NARS2: variants seen among roughly 807,000 people sequenced by gnomAD.
The protein encoded by NARS2 is asparaginyl-tRNA synthetase 2, mitochondrial, also known as asparaginyl-tRNA synthetase.
In NARS2, 60 loss-of-function variants were observed where a neutral mutation model predicts 62.9. That is an observed-to-expected ratio of 0.95 (90% CI 0.77 to 1.18). The LOEUF is 1.18. NARS2 is among the 50% of genes most tolerant of loss of function. The probability of loss-of-function intolerance (pLI) is 0.00; values close to 1 mark genes in which losing one functional copy is unlikely to be tolerated. For missense variants in NARS2, 619 were observed against 576.4 expected, an observed-to-expected ratio of 1.07 and a Z score of -0.76; for synonymous variants, 196 against 200.0, an observed-to-expected ratio of 0.98 and a Z score of 0.17.
At chr11:78,447,006 G>T (rs760683925) in intron 11 of NARS2, among the ~76,000 whole-genome samples, 1 of 149,536 alleles carries the variant, frequency 6.7e-6, no homozygotes, top group Non-Finnish European at 1.5e-5. Context: ...AGAAAATAAC[G>T]TGATTAAAAA....
At chr11:78,530,489 T>G (rs13377204) in intron 5 of NARS2, among the ~76,000 whole-genome samples, 2,922 of 152,280 alleles carry the variant, frequency 0.019, 83 homozygotes, top group African/African-American at 0.059. Context: ...TTTATTTATT[T>G]TTGAGACAGA....
At chr11:78,502,317 G>T (rs1430341690) in intron 6 of NARS2, among the ~76,000 whole-genome samples, 2 of 152,218 alleles carry the variant, frequency 1.3e-5, no homozygotes, top group East Asian at 3.9e-4. Context: ...TTCTGGTGAA[G>T]CCTCTCTTTC....
At chr11:78,570,387 G>A (rs985754884) in intron 2 of NARS2, among the ~76,000 whole-genome samples, 1 of 152,104 alleles carries the variant, frequency 6.6e-6, no homozygotes, top group Non-Finnish European at 1.5e-5. Context: ...AATGGTGTTA[G>A]TTTTTGGTTT....
chr11:78,563,882 A>AATTATTAT (rs1856649065), intron 4 of NARS2, among the ~76,000 whole-genome samples: 3 of 104,888 alleles, frequency 2.9e-5, no homozygotes, highest in African/African-American at 1.5e-4. Context: ...ATACACACAC[A>AATTATTAT]CAGTATTATT....
chr11:78,445,349 G>T (rs1032101220), intron 11 of NARS2, among the ~76,000 whole-genome samples: 1 of 152,060 alleles, frequency 6.6e-6, no homozygotes, highest in Non-Finnish European at 1.5e-5. Flanking sequence ...GGCCGGGTGC[G>T]GTGGCTTACG....
intron 4 of NARS2, 124 bp downstream of exon 4, chr11:78,566,008 A>C (rs1856729903): frequency 1.4e-6 from 1 of 740,052 alleles, no homozygotes; most frequent in African/African-American, 1.8e-5. Flanking sequence ...CCCATAATGA[A>C]GAGACCAATC....
chr11:78,464,935 G>C (rs891807081), intron 11 of NARS2, among the ~76,000 whole-genome samples: 1 of 152,278 alleles, frequency 6.6e-6, no homozygotes, highest in African/African-American at 2.4e-5. Context: ...TGGGGCTGCA[G>C]GTGGACCTGC....
At chr11:78,462,980 C>T (rs931799361) in intron 11 of NARS2, among the ~76,000 whole-genome samples, 2 of 152,068 alleles carry the variant, frequency 1.3e-5, no homozygotes, top group African/African-American at 4.8e-5. Context: ...ACTTTTACAA[C>T]TAATAATATT....
intron 7 of NARS2, among the ~76,000 whole-genome samples, chr11:78,486,033 C>T (rs1859559627): frequency 6.6e-6 from 1 of 152,072 alleles, no homozygotes; most frequent in Admixed American, 6.6e-5. Flanking sequence ...TGTCACCATG[C>T]CCAGCTAATT....
chr11:78,438,872 A>G (rs1857491716), intron 13 of NARS2, among the ~76,000 whole-genome samples: 1 of 152,210 alleles, frequency 6.6e-6, no homozygotes, highest in Non-Finnish European at 1.5e-5. Context: ...TACCTTTAAT[A>G]TACTAATATA....
Position 78,436,474 on chromosome 11 carries a change from A to AG in NARS2, c.*195dup. 1 of 614,284 alleles carries AG rather than the reference A, an allele frequency of 1.6e-6. No individual in the cohort carries two copies. The highest frequency in any genetic ancestry group is 2.8e-6 in the Non-Finnish European group (1 of 354,248). The allele number at this position is 614,284 out of a possible 1,614,324, so 38.1% of individuals were successfully genotyped here. A position where few individuals can be genotyped will look rare whatever the true frequency, so the allele number is the denominator to read the frequency against. On this transcript the variant is annotated 3_prime_UTR_variant, in exon 14 of 14. Transcript: ENST00000281038. ...TGCTATAAGTACCTCTTCTTGCGGG[A>AG]GCTCATCCTTACGTGAAATACCCTC...
chr11:78,489,898 T>A (rs922546313), intron 7 of NARS2, among the ~76,000 whole-genome samples: 1 of 151,782 alleles, frequency 6.6e-6, no homozygotes, highest in Non-Finnish European at 1.5e-5. Context: ...CTATAAAAAA[T>A]TTAAAAAATA....
chr11:78,531,823 G>A lies in NARS2; in HGVS notation c.595-2887C>T, dbSNP rs546560938. Among the ~76,000 whole-genome samples the A allele has an allele frequency of 6.2e-4, 95 of 152,248 alleles. 1 individual carries two copies. The South Asian group carries it at 0.018, about 29-fold the overall frequency. ...TGATTACATTTATATGAAACATACAGAATAGGTAAATCCATAGAGACAGAT... is the reference window on the plus strand; with the variant it reads ...TGATTACATTTATATGAAACATACAAAATAGGTAAATCCATAGAGACAGAT... On this transcript the variant is annotated intron_variant, in intron 5 of 13. Coordinates refer to ENST00000281038, the MANE Select transcript of NARS2 (RefSeq NM_024678.6).
At chr11:78,539,776 T>A (rs902076856) in intron 5 of NARS2, among the ~76,000 whole-genome samples, 7 of 152,192 alleles carry the variant, frequency 4.6e-5, no homozygotes, top group African/African-American at 1.7e-4. Flanking sequence ...GTCCAACATG[T>A]CCTGCAATAT....
At chr11:78,501,224 TTTTA>T (rs1166830598) in intron 6 of NARS2, among the ~76,000 whole-genome samples, 8 of 152,182 alleles carry the variant, frequency 5.3e-5, no homozygotes, top group African/African-American at 1.7e-4. Flanking sequence ...TGCTTTACAC[TTTTA>T]TAAGTTTCTT....
intron 4 of NARS2, among the ~76,000 whole-genome samples, chr11:78,564,220 G>A (rs1856664302): frequency 6.6e-6 from 1 of 151,762 alleles, no homozygotes; most frequent in Non-Finnish European, 1.5e-5. Context: ...TTTTAAGACA[G>A]GATCTCACTC....
At chr11:78,560,338 A>G (rs569704387) in intron 4 of NARS2, among the ~76,000 whole-genome samples, 1 of 152,348 alleles carries the variant, frequency 6.6e-6, no homozygotes, top group Non-Finnish European at 1.5e-5. Context: ...TCTTCCGAAC[A>G]AAAGTCTGAG....
intron 5 of NARS2, among the ~76,000 whole-genome samples, chr11:78,544,795 C>CAAAAA (rs35180232): frequency 2.4e-4 from 15 of 63,252 alleles, no homozygotes; most frequent in East Asian, 4.3e-4. Flanking sequence ...CTCCGTCTCA[C>CAAAAA]AAAAAAAAAA....
At chr11:78,456,125 A>C (rs924580502) in intron 11 of NARS2, among the ~76,000 whole-genome samples, 1 of 152,154 alleles carries the variant, frequency 6.6e-6, no homozygotes, top group Non-Finnish European at 1.5e-5. Flanking sequence ...GCTACTTTTA[A>C]TAATGAAGAT....
Sources: allele counts gnomAD v4.1 joint callset (sites outside exome capture counted in the v4.1 genomes callset), GRCh38; gene constraint gnomAD v4.1.1; transcripts MANE v1.5; gene names NCBI Gene and HGNC (gene_info 2026-07-23, HGNC 2026-07-21).